The following CD5 variants were observed in gnomAD, a reference collection of about 807,000 sequenced individuals.
The protein encoded by CD5 is CD5 molecule.
A neutral mutation model predicts 60.3 loss-of-function variants in CD5; 36 were observed. That is an observed-to-expected ratio of 0.60 (90% CI 0.46 to 0.79). The LOEUF is 0.79. Ranked by LOEUF, CD5 falls within the 30% of genes least tolerant of loss-of-function variation. The pLI is 0.00. For missense variants in CD5, 540 were observed against 630.6 expected (o/e 0.86, Z 1.54); for synonymous variants, 230 against 257.6 (o/e 0.89, Z 1.03).
chr11:61,125,101 A>G lies in CD5; in HGVS notation c.1349A>G (p.Asp450Gly), dbSNP rs749421512. The G allele has an allele frequency of 2.5e-6, 4 of 1,614,134 alleles. No individual in the cohort carries two copies. The South Asian group carries it at 4.4e-5, about 18-fold the overall frequency. ...HAENPTASHV[D>G]NEYSQPPRNS... The stretch of plus-strand genomic sequence containing the variant: ...GAGAACCCCACAGCCTCCCACGTGG[A>G]TAACGAATACAGCCAACCTCCCAGG... Residue 450 changes from aspartate (D) to glycine (G), a missense_variant, in exon 9 of 11, where the codon GAT (aspartate) becomes GGT (glycine). Physicochemically the swap from Asp to Gly is moderately conservative, Grantham distance 94. Coordinates refer to ENST00000347785, the MANE Select transcript of CD5 (RefSeq NM_014207.4).
intron 2 of CD5, among the ~76,000 whole-genome samples, chr11:61,116,551 A>ACC (rs1409829809): frequency 2.1e-5 from 2 of 94,844 alleles, no homozygotes; most frequent in African/African-American, 9.3e-5. Context: ...ACACACACAC[A>ACC]CCACACACAC....
At chr11:61,095,825 G>A in the CD5 span, among the ~76,000 whole-genome samples, 2 of 152,220 alleles carry the variant, frequency 1.3e-5, no homozygotes, top group African/African-American at 2.4e-5. Context: ...GACTGTGTGA[G>A]GCTTACTGTA....
Position 61,119,330 on chromosome 11 carries a change from A to G in CD5, c.560A>G (p.Tyr187Cys). Residue 187 changes from tyrosine to cysteine, a missense_variant, in exon 5 of 11, where the codon TAT becomes TGT. Physicochemically the swap from Tyr to Cys is radical, Grantham distance 194. Transcript: ENST00000347785. ...GGCAGCCTGGGGGGTACCATCAGCT[A>G]TGAGGCCCAGGACAAGACCCAGGAC... ...YSGSLGGTIS[Y>C]EAQDKTQDLE... The G allele has an allele frequency of 6.2e-7, 1 of 1,614,058 alleles. No individual in the cohort carries two copies.
upstream of CD5, among the ~76,000 whole-genome samples, chr11:61,098,843 G>A (rs1240413952): frequency 6.6e-6 from 1 of 152,182 alleles, no homozygotes; most frequent in Non-Finnish European, 1.5e-5. Context: ...CCTGCTACAG[G>A]TCTAAGTGGA....
intron 1 of CD5, among the ~76,000 whole-genome samples, chr11:61,112,962 C>T (rs12276454): frequency 0.032 from 4,898 of 152,254 alleles, 268 homozygotes; most frequent in African/African-American, 0.11. Flanking sequence ...TTTTAAGAGA[C>T]GGGGTCTTGC....
upstream of CD5, among the ~76,000 whole-genome samples, chr11:61,100,186 A>G (rs1482797790): frequency 6.9e-6 from 1 of 144,394 alleles, no homozygotes; most frequent in Non-Finnish European, 1.5e-5. Flanking sequence ...ACACATCAAC[A>G]TGGAGATCAC....
chr11:61,098,471 A>G (rs965182060), upstream of CD5, among the ~76,000 whole-genome samples: 1 of 152,248 alleles, frequency 6.6e-6, no homozygotes, highest in African/African-American at 2.4e-5. Flanking sequence ...ACTAAAAGGC[A>G]GAAATGAAAT....
chr11:61,105,378 C>T (rs183165214), intron 1 of CD5, among the ~76,000 whole-genome samples: 1 of 152,344 alleles, frequency 6.6e-6, no homozygotes, highest in Admixed American at 6.5e-5. Flanking sequence ...AACTGGGCGA[C>T]CTTGGACTAG....
At chr11:61,123,479 G>T (rs150940617) in intron 7 of CD5, among the ~76,000 whole-genome samples, 1 of 152,154 alleles carries the variant, frequency 6.6e-6, no homozygotes, top group Non-Finnish European at 1.5e-5. Flanking sequence ...TTGTGAACGC[G>T]GGGGGTTGTT....
chr11:61,095,951 G>A, the CD5 span, among the ~76,000 whole-genome samples: 7 of 152,150 alleles, frequency 4.6e-5, no homozygotes, highest in African/African-American at 7.2e-5. Flanking sequence ...CTGGGTTTGC[G>A]GGTATGAATA....
At position 61,118,242 on chromosome 11, in the gene CD5, C is replaced by A; in HGVS notation, c.162C>A (p.Asp54Glu). 1 of 1,614,262 alleles carries A rather than the reference C, an allele frequency of 6.2e-7. No homozygotes were observed. The highest frequency in any genetic ancestry group is 1.3e-5 in the African/African-American group (1 of 75,074). ...CQGQLEVYLK[D>E]GWHMVCSQSW... The stretch of plus-strand genomic sequence containing the variant: ...GCCAGCTGGAGGTCTACCTCAAGGA[C>A]GGATGGCACATGGTTTGCAGCCAGA... The change falls in exon 3 of 11, where the codon GAC (aspartate) becomes GAA (glutamate). Residue 54 changes from aspartate (D) to glutamate (E), a missense_variant. Physicochemically the swap from Asp to Glu is conservative, Grantham distance 45. Transcript: ENST00000347785. The surrounding 1 kb of genome is among the most constrained non-coding windows in gnomAD (Gnocchi z 4.7).
chr11:61,125,847 C>A lies in CD5; in HGVS notation c.*2+6C>A. 6.3e-7 allele frequency: 1 copy of A among 1,596,414 alleles called. No individual in the cohort carries two copies. The highest frequency in any genetic ancestry group is 1.3e-5 in the African/African-American group (1 of 74,460). On this transcript the variant is annotated splice_donor_region_variant and intron_variant, in intron 10 of 10. Coordinates refer to ENST00000347785, the MANE Select transcript of CD5 (RefSeq NM_014207.4). ...GGGGCTCAGAGGCTGTAAAGGTGAG[C>A]CCGTCTCCAGCCTGACCCCAGCACC...
At chr11:61,121,541 G>A in intron 5 of CD5, 70 bp from the exon 6 acceptor site, 1 of 1,342,330 alleles carries the variant, frequency 7.4e-7, no homozygotes, top group Non-Finnish European at 9.7e-7. Context: ...AGTGGCATGG[G>A]GCCCCAGGAA....
At chr11:61,113,880 G>A (rs1350741405) in intron 1 of CD5, among the ~76,000 whole-genome samples, 1 of 152,138 alleles carries the variant, frequency 6.6e-6, no homozygotes, top group Non-Finnish European at 1.5e-5. Context: ...ATATTGGCTA[G>A]GCCAGTCTCA....
chr11:61,123,958 G>A (rs200265135), intron 8 of CD5, 21 bp downstream of exon 8: 45 of 1,596,874 alleles, frequency 2.8e-5, no homozygotes, highest in Non-Finnish European at 3.7e-5. Context: ...CCGGAGGCAG[G>A]AGCCTCCCTC....
At chr11:61,101,282 T>C (rs868812409), upstream of CD5, among the ~76,000 whole-genome samples, 345 of 99,026 alleles carry the variant, frequency 3.5e-3, 17 homozygotes, top group African/African-American at 0.012. Flanking sequence ...CACATCAACA[T>C]GGAGATCACA....
rs1310800740 is a variant in CD5, at chr11:61,118,409, A to C, written c.329A>C (p.Gln110Pro). 8.7e-6 allele frequency: 14 copies of C among 1,614,256 alleles called. No homozygotes were observed. The highest frequency in any genetic ancestry group is 1.2e-5 in the Non-Finnish European group (14 of 1,180,046). ...TPQSSIICYG[Q>P]LGSFSNCSHS... The stretch of plus-strand genomic sequence containing the variant: ...CAGAGCTCAATCATCTGCTACGGAC[A>C]ACTGGGCTCCTTCTCCAACTGCAGC... Residue 110 changes from glutamine to proline, a missense_variant, in exon 3 of 11, where the codon CAA becomes CCA. Gln to Pro is a moderately conservative substitution (Grantham distance 76). Transcript: ENST00000347785. This position sits in a 1 kb window ranked among gnomAD's most constrained non-coding sequence, Gnocchi z 4.7.
At chr11:61,099,659 A>C (rs772824763), upstream of CD5, among the ~76,000 whole-genome samples, 1,083 of 142,124 alleles carry the variant, frequency 7.6e-3, no homozygotes, top group African/African-American at 0.027. Context: ...GGAGATCACA[A>C]ACACACATCA....
upstream of CD5, among the ~76,000 whole-genome samples, chr11:61,099,706 A>G (rs1860633653): frequency 1.3e-5 from 2 of 151,568 alleles, no homozygotes; most frequent in South Asian, 4.2e-4. Context: ...CATGGAGATT[A>G]CACACACATC....
Sources: gnomAD v4.1 joint callset for allele counts (sites outside exome capture counted in the v4.1 genomes callset) on GRCh38, gnomAD v4.1.1 for gene constraint, Gnocchi (gnomAD v3.1) non-coding constraint, MANE v1.5 for transcripts, NCBI Gene and HGNC (gene_info 2026-07-23, HGNC 2026-07-21) for gene names.